ENOX2: variants seen among roughly 807,000 people sequenced by gnomAD.
ENOX2 encodes APK1 antigen.
Under a neutral mutation model 45.0 loss-of-function variants are expected in ENOX2, and 36 were observed. The observed-to-expected ratio is 0.80, with a 90% confidence interval of 0.61 to 1.06. The LOEUF (loss-of-function observed/expected upper bound fraction) is 1.06. Among genes scored for constraint, ENOX2 ranks in the 50% least tolerant of loss-of-function variants. The pLI is 0.00. For missense variants in ENOX2, 423 were observed against 462.5 expected, an observed-to-expected ratio of 0.91 and a Z score of 0.78; for synonymous variants, 174 against 152.3, an observed-to-expected ratio of 1.14 and a Z score of -1.05.
chrX:130,875,175 A>G (rs958077398), intron 2 of ENOX2, among the ~76,000 whole-genome samples: 6 of 111,392 alleles, frequency 5.4e-5, no homozygotes, highest in Admixed American at 4.8e-4. Flanking sequence ...GTCACCTCTC[A>G]TGGGATCTTA....
At chrX:130,679,047 A>G (rs1018633368) in intron 6 of ENOX2, among the ~76,000 whole-genome samples, 15 of 111,355 alleles carry the variant, frequency 1.3e-4, no homozygotes, top group Non-Finnish European at 3.8e-5. Context: ...AGGAAGCACC[A>G]GGTGCTGTGA....
chrX:130,734,037 T>C (rs2038803862), intron 3 of ENOX2, among the ~76,000 whole-genome samples: 1 of 112,476 alleles, frequency 8.9e-6, no homozygotes, highest in Admixed American at 9.4e-5. Context: ...AAATAGTCTC[T>C]GCCATTTGCA....
chrX:130,893,428 C>G (rs2079012715), intron 2 of ENOX2, among the ~76,000 whole-genome samples: 1 of 112,338 alleles, frequency 8.9e-6, no homozygotes, highest in South Asian at 3.7e-4. Flanking sequence ...AAAAATACAG[C>G]CCCTGAGAGG....
chrX:130,793,012 A>C (rs2077066592), intron 2 of ENOX2, among the ~76,000 whole-genome samples: 1 of 112,086 alleles, frequency 8.9e-6, no homozygotes, highest in Non-Finnish European at 1.9e-5. Flanking sequence ...CACATCTGCA[A>C]CTTACTAGGT....
At chrX:130,636,981 G>C (rs1031128853) in intron 11 of ENOX2, among the ~76,000 whole-genome samples, 2 of 112,352 alleles carry the variant, frequency 1.8e-5, no homozygotes, top group African/African-American at 6.5e-5. Flanking sequence ...ATTATGTTCA[G>C]TGTAGTCTAA....
intron 3 of ENOX2, among the ~76,000 whole-genome samples, chrX:130,776,045 T>C: frequency 8.9e-6 from 1 of 111,819 alleles, no homozygotes; most frequent in Admixed American, 9.5e-5. Flanking sequence ...TCACTACATG[T>C]CTGAGTGTGC....
chrX:130,679,886 T>A (rs1440552674), intron 5 of ENOX2, 138 bp from the exon 6 acceptor site: 4 of 466,783 alleles, frequency 8.6e-6, no homozygotes, highest in Non-Finnish European at 1.5e-5. Flanking sequence ...GAGGTGTTCA[T>A]CTCTGCTCCA....
chrX:130,801,818 A>C (rs1435556381), intron 2 of ENOX2, among the ~76,000 whole-genome samples: 1 of 111,674 alleles, frequency 9.0e-6, no homozygotes, highest in Non-Finnish European at 1.9e-5. Context: ...TTCATTCATT[A>C]CACATCTCTC....
intron 3 of ENOX2, among the ~76,000 whole-genome samples, chrX:130,725,872 G>C (rs1224452454): frequency 9.0e-6 from 1 of 111,345 alleles, no homozygotes; most frequent in African/African-American, 3.3e-5. Context: ...TGGGTAAAGG[G>C]GTGAACTGGA....
At chrX:130,667,084 T>C (rs1490993526) in intron 8 of ENOX2, among the ~76,000 whole-genome samples, 2 of 112,011 alleles carry the variant, frequency 1.8e-5, no homozygotes, top group Non-Finnish European at 3.8e-5. Flanking sequence ...AGTAGCAAAT[T>C]TGATTTTTAT....
intron 3 of ENOX2, among the ~76,000 whole-genome samples, chrX:130,769,521 A>G (rs537005197): frequency 3.6e-5 from 4 of 112,173 alleles, no homozygotes; most frequent in South Asian, 7.4e-4. Flanking sequence ...TTTCATGTAA[A>G]CTCAGTAATT....
chrX:130,667,773 A>G, intron 7 of ENOX2, 31 bp from the exon 8 acceptor site: 1 of 1,093,769 alleles, frequency 9.1e-7, no homozygotes, highest in Middle Eastern at 2.7e-4. Flanking sequence ...TAACCAACAA[A>G]GGTAACCAAA....
chrX:130,631,908 G>C (rs2035747343), intron 12 of ENOX2, among the ~76,000 whole-genome samples: 1 of 108,548 alleles, frequency 9.2e-6, no homozygotes, highest in South Asian at 4.1e-4. Flanking sequence ...GGCACTGTTA[G>C]GTAAGTATTA....
intron 3 of ENOX2, among the ~76,000 whole-genome samples, chrX:130,752,584 T>C (rs961895790): frequency 2.7e-5 from 3 of 111,144 alleles, no homozygotes; most frequent in African/African-American, 9.8e-5. Flanking sequence ...TGACACTTTT[T>C]CTGTGTCTAC....
intron 2 of ENOX2, among the ~76,000 whole-genome samples, chrX:130,795,239 T>C (rs983085176): frequency 3.6e-5 from 4 of 111,986 alleles, no homozygotes; most frequent in Non-Finnish European, 7.5e-5. Context: ...CAATACAAGG[T>C]GTTGACAACT....
At chrX:130,658,077 A>G (rs2036591676) in intron 9 of ENOX2, among the ~76,000 whole-genome samples, 1 of 111,968 alleles carries the variant, frequency 8.9e-6, no homozygotes, top group Non-Finnish European at 1.9e-5. Context: ...AATAAAAAGA[A>G]CCAAGCATTC....
intron 3 of ENOX2, among the ~76,000 whole-genome samples, chrX:130,739,097 G>T (rs917984715): frequency 8.9e-6 from 1 of 112,537 alleles, no homozygotes; most frequent in African/African-American, 3.2e-5. Context: ...ACTTAAGATG[G>T]TTCGACTAAA....
At position 130,845,676 on chromosome X, in the gene ENOX2, G is replaced by A. The variant is rs184385505; in HGVS notation, c.-183+56008C>T. Among the ~76,000 whole-genome samples, 860 of 111,816 alleles carry A rather than the reference G, an allele frequency of 7.7e-3. 30 individuals are homozygous for A. Among genetic ancestry groups the A allele is most frequent in the Admixed American group, 0.074 (786 of 10,596 alleles). ...GACAGGGTTTCTCCATGTTGGTCAGGCTGGTCTCGAACTCCCGACCTTAGG... is the reference window on the plus strand; with the variant it reads ...GACAGGGTTTCTCCATGTTGGTCAGACTGGTCTCGAACTCCCGACCTTAGG... On this transcript the variant is annotated intron_variant, in intron 2 of 14. Transcript: ENST00000394363.
chrX:130,663,985 T>A (rs1456567174), intron 9 of ENOX2, among the ~76,000 whole-genome samples: 2 of 111,831 alleles, frequency 1.8e-5, no homozygotes, highest in African/African-American at 6.5e-5. Flanking sequence ...GTGAACAACA[T>A]GAGGCAGCCC....
Sources: gnomAD v4.1 joint callset for allele counts (sites outside exome capture counted in the v4.1 genomes callset) on GRCh38, gnomAD v4.1.1 for gene constraint, MANE v1.5 for transcripts, NCBI Gene and HGNC (gene_info 2026-07-23, HGNC 2026-07-21) for gene names.